ULK2: variants seen among roughly 807,000 people sequenced by gnomAD.
ULK2 encodes unc-51 like autophagy activating kinase 2.
In ULK2, 76 loss-of-function variants were observed where a neutral mutation model predicts 127.5. The ratio of observed to expected loss-of-function variants is 0.60; its 90% CI spans 0.50 to 0.72. ULK2 has a LOEUF of 0.72. ULK2 is among the 30% of genes least tolerant of loss of function. The probability of loss-of-function intolerance (pLI) is 0.00; values close to 1 mark genes in which losing one functional copy is unlikely to be tolerated. For synonymous variants in ULK2, 452 were observed against 461.9 expected (o/e 0.98, Z 0.28); for missense variants, 1,144 against 1,295.9 (o/e 0.88, Z 1.80).
At chr17:19,867,274 A>G in intron 1 of ULK2, 54 bp downstream of exon 1, 1 of 1,428,724 alleles carries the variant, frequency 7.0e-7, no homozygotes, top group Non-Finnish European at 9.3e-7. Context: ...TTTCAGAACC[A>G]CCTAGCCCCG....
At position 19,846,795 on chromosome 17, in the gene ULK2, G is replaced by C. The variant is rs768706515; in HGVS notation, c.411C>G (p.Ile137Met). The C allele has an allele frequency of 6.2e-7, 1 of 1,613,892 alleles. No homozygotes were observed. The highest frequency in any genetic ancestry group is 1.7e-5 in the Admixed American group (1 of 59,952). ...TTCTGCGATTGGCATAGGACAGCAA[G>C]ATGTTCTGTGGTTTGAGATCTCTGT... ...IIHRDLKPQNILLSYANRRKS... is the reference protein window; with the variant it reads ...IIHRDLKPQNMLLSYANRRKS... Residue 137 changes from isoleucine to methionine, a missense_variant, in exon 6 of 27, where the codon ATC (isoleucine) becomes ATG (methionine). Physicochemically the swap from Ile to Met is conservative, Grantham distance 10. Transcript: ENST00000395544.
In ULK2 at chr17:19,783,761, G is replaced by T. The variant is rs780438234; in HGVS notation, c.2396C>A (p.Pro799His). The T allele has an allele frequency of 1.9e-6, 3 of 1,600,784 alleles. No homozygotes were observed. In the South Asian group the frequency reaches 3.4e-5, roughly 18 times the overall value. The change falls in exon 22 of 27, where the codon CCC becomes CAC. Residue 799 changes from proline to histidine, a missense_variant. This residue lies in a region of ULK2 where 913 missense variants were observed against 970.5 expected (regional missense o/e 0.94). Transcript: ENST00000395544. ...GGTGATGAGCCCCTCTAGGCTGGGG[G>T]GTGAAGCACCGTAAGGCACGTATCT... ...SLRYVPYGAS[P>H]PSLEGLITFE... is the part of the protein sequence containing the mutation.
Position 19,850,642 on chromosome 17 carries a change from C to T in ULK2, c.226-868G>A, listed in dbSNP as rs185789184. The stretch of plus-strand genomic sequence containing the variant: ...GAGATCGAGATCATCCTGGCTAATA[C>T]GGTGAAACCCCATCTCTACTAAAAA... On this transcript the variant is annotated intron_variant, in intron 3 of 26. Coordinates refer to ENST00000395544, the MANE Select transcript of ULK2 (RefSeq NM_014683.4). Among the ~76,000 whole-genome samples the T allele has an allele frequency of 4.3e-3, 659 of 152,042 alleles. 2 individuals are homozygous for T. Among genetic ancestry groups the T allele is most frequent in the South Asian group, 0.019 (91 of 4,810 alleles).
rs547067801 is a variant in ULK2, at chr17:19,818,196, G to A, written c.925-1276C>T. Among the ~76,000 whole-genome samples, 17 of 152,102 alleles carry A rather than the reference G, an allele frequency of 1.1e-4. No homozygotes were observed. The East Asian group carries it at 2.1e-3, about 19-fold the overall frequency. On this transcript the variant is annotated intron_variant, in intron 12 of 26. Transcript: ENST00000395544. ...AAATTAGCCGGGCATGACGGCGGGC[G>A]CCTGTAGTCCCAGCTACTCGGGGGG... is the stretch of plus-strand genomic sequence containing the variant.
chr17:19,857,264 C>T (rs571020566), intron 3 of ULK2, among the ~76,000 whole-genome samples: 34 of 146,172 alleles, frequency 2.3e-4, no homozygotes, highest in African/African-American at 7.9e-4. Context: ...GCCAAGATCA[C>T]GGCATTGCAC....
intron 6 of ULK2, 143 bp downstream of exon 6, chr17:19,846,594 C>T: frequency 1.2e-5 from 11 of 884,960 alleles, no homozygotes; most frequent in East Asian, 5.5e-5. Flanking sequence ...GAGCCAAGAT[C>T]GCGCCACTAC....
At chr17:19,812,283 C>T (rs1259584273) in intron 13 of ULK2, among the ~76,000 whole-genome samples, 1 of 152,160 alleles carries the variant, frequency 6.6e-6, no homozygotes, top group East Asian at 1.9e-4. Flanking sequence ...TAGATTACAG[C>T]TGCTCATGGA....
chr17:19,842,869 C>A (rs934341762), intron 8 of ULK2, among the ~76,000 whole-genome samples: 2 of 152,156 alleles, frequency 1.3e-5, no homozygotes, highest in Non-Finnish European at 2.9e-5. Context: ...CATTTCCCAC[C>A]AGGCTGTTAG....
At chr17:19,807,768 G>T (rs775984039) in intron 14 of ULK2, among the ~76,000 whole-genome samples, 6 of 152,114 alleles carry the variant, frequency 3.9e-5, no homozygotes, top group Admixed American at 6.5e-5. Context: ...TACAAGATTT[G>T]CTTATCCCCG....
chr17:19,797,175 T>C (rs766426778), intron 18 of ULK2, among the ~76,000 whole-genome samples: 4 of 152,126 alleles, frequency 2.6e-5, no homozygotes, highest in Non-Finnish European at 5.9e-5. Flanking sequence ...CACATGCCTG[T>C]AATCTCAGCT....
At chr17:19,833,818 ACAT>A (rs1313589129) in intron 10 of ULK2, among the ~76,000 whole-genome samples, 1 of 152,248 alleles carries the variant, frequency 6.6e-6, no homozygotes, top group African/African-American at 2.4e-5. Context: ...CAGCTGTGCG[ACAT>A]CATCAAGCAT....
At chr17:19,810,229 C>CAAAAA in intron 14 of ULK2, 149 bp downstream of exon 14, 1 of 350,226 alleles carries the variant, frequency 2.9e-6, no homozygotes. Context: ...GACTCCATCT[C>CAAAAA]AAAAAAAAAA....
rs2086744008 is a variant in ULK2, at chr17:19,772,128, G to C, written c.*4221C>G. On this transcript the variant is annotated 3_prime_UTR_variant, in exon 27 of 27. Transcript: ENST00000395544. ...TGCACAGCCTCTGCTGGGCCACTCT[G>C]TGAGAGGTCACGCTGGCAGCAAGAT... 6.6e-6 allele frequency: 1 copy of C among 152,352 alleles called. No homozygotes were observed. The highest frequency in any genetic ancestry group is 1.5e-5 in the Non-Finnish European group (1 of 68,132). The allele number at this position is 152,352 out of a possible 1,614,324, so 9.4% of individuals were successfully genotyped here. A position where few individuals can be genotyped will look rare whatever the true frequency, so the allele number is the denominator to read the frequency against.
At chr17:19,808,093 C>T (rs887714502) in intron 14 of ULK2, among the ~76,000 whole-genome samples, 4 of 151,980 alleles carry the variant, frequency 2.6e-5, no homozygotes, top group Non-Finnish European at 2.9e-5. Flanking sequence ...GCAACAAGAG[C>T]GAAACTCCAT....
chr17:19,807,444 T>C (rs986521476), intron 14 of ULK2, among the ~76,000 whole-genome samples: 18 of 152,180 alleles, frequency 1.2e-4, no homozygotes, highest in Non-Finnish European at 8.8e-5. Context: ...AATTCTGATA[T>C]CCTAACTCCC....
chr17:19,793,290 G>A (rs1216747430), intron 20 of ULK2, among the ~76,000 whole-genome samples: 2 of 152,136 alleles, frequency 1.3e-5, no homozygotes, highest in African/African-American at 4.8e-5. Context: ...GCTCTCCCCT[G>A]ACACATGGAA....
chr17:19,810,347 A>G (rs2087610601), intron 14 of ULK2, 31 bp downstream of exon 14: 1 of 1,458,302 alleles, frequency 6.9e-7, no homozygotes, highest in African/African-American at 1.4e-5. Flanking sequence ...ATATAAAACA[A>G]ATTTTAATAA....
At chr17:19,780,927 G>A (rs938460504) in intron 24 of ULK2, 59 bp downstream of exon 24, 1 of 1,468,104 alleles carries the variant, frequency 6.8e-7, no homozygotes, top group Non-Finnish European at 9.5e-7. Flanking sequence ...CTCACAGTGT[G>A]ATGGGAAAGA....
rs923959269 is a variant in ULK2 at position 19,771,433 on chromosome 17, T to G, written c.*4916A>C. The G allele has an allele frequency of 6.6e-6, 1 of 152,208 alleles. No homozygotes were observed. Among genetic ancestry groups the G allele is most frequent in the African/African-American group, 2.4e-5 (1 of 41,440 alleles). 9.4% of individuals were successfully genotyped at this position (152,208 alleles called of 1,614,324 possible). A position where few individuals can be genotyped will look rare whatever the true frequency, so the allele number is the denominator to read the frequency against. ...CAACTTCTATGCAAGAACTGTGTCC[T>G]TTCAGAAGCTCCAGCCAGAGCGTAC... On this transcript the variant is annotated 3_prime_UTR_variant, in exon 27 of 27. Coordinates refer to ENST00000395544, the MANE Select transcript of ULK2 (RefSeq NM_014683.4).
Sources: allele counts gnomAD v4.1 joint callset (sites outside exome capture counted in the v4.1 genomes callset), GRCh38; gene constraint gnomAD v4.1.1; regional missense constraint gnomAD v4.1.1; transcripts MANE v1.5; gene names NCBI Gene and HGNC (gene_info 2026-07-23, HGNC 2026-07-21).